CHD5: variants seen among roughly 807,000 people sequenced by gnomAD.
CHD5 encodes ATP-dependent chromatin remodeler CHD5.
A neutral mutation model predicts 230.3 loss-of-function variants in CHD5; 69 were observed. The ratio of observed to expected loss-of-function variants is 0.30; its 90% confidence interval spans 0.25 to 0.37. The LOEUF is 0.37. Ranked by LOEUF, CHD5 falls within the 10% of genes least tolerant of loss-of-function variation. The pLI is 1.00. For synonymous variants in CHD5, 1,064 were observed against 1,065.9 expected (o/e 1.00, Z 0.03); for missense variants, 1,827 against 2,622.8 (o/e 0.70, Z 6.63).
intron 2 of CHD5, among the ~76,000 whole-genome samples, chr1:6,160,997 A>G (rs1667168679): frequency 6.6e-6 from 1 of 152,222 alleles, no homozygotes; most frequent in Admixed American, 6.5e-5. Context: ...TGCCATGCGC[A>G]GGACTGCTGT....
Position 6,146,603 on chromosome 1 carries a change from C to G in CHD5, c.1590+62G>C. 1.9e-6 allele frequency: 3 copies of G among 1,563,582 alleles called. No individual in the cohort carries two copies. The highest frequency in any genetic ancestry group is 2.6e-6 in the Non-Finnish European group (3 of 1,135,454). ...GCGCTTCAGCCCCTTCCCGCCAGCC[C>G]AGGAGGGTCCAGGGCTCACCAGGTC... On this transcript the variant is annotated intron_variant, in intron 10 of 41. Coordinates refer to ENST00000262450, the MANE Select transcript of CHD5 (RefSeq NM_015557.3). This position sits in a 1 kb window ranked among gnomAD's most constrained non-coding sequence, Gnocchi z 5.1.
Position 6,134,112 on chromosome 1 carries a change from G to A in CHD5, c.3144+16C>T. Reference sequence around the variant, plus strand: ...GGGGTGTGGAGCCGGGGCGGGGGTGGGCAGGGGCAGCGCACCTGGGAGAAG... The same window carrying A: ...GGGGTGTGGAGCCGGGGCGGGGGTGAGCAGGGGCAGCGCACCTGGGAGAAG... On this transcript the variant is annotated intron_variant, in intron 20 of 41. Coordinates refer to ENST00000262450, the MANE Select transcript of CHD5 (RefSeq NM_015557.3). The surrounding 1 kb of genome is among the most constrained non-coding windows in gnomAD (Gnocchi z 6.3). 2.5e-6 allele frequency: 4 copies of A among 1,605,648 alleles called. No homozygotes were observed. In the Middle Eastern group the frequency reaches 6.7e-4, roughly 267 times the overall value.
At chr1:6,158,532 G>A (rs549577172) in intron 3 of CHD5, among the ~76,000 whole-genome samples, 2 of 152,324 alleles carry the variant, frequency 1.3e-5, no homozygotes, top group East Asian at 3.9e-4. Flanking sequence ...AAAATTAGCT[G>A]TGCGTGGTGA....
chr1:6,162,300 C>T lies in CHD5; in HGVS notation c.208-2785G>A, dbSNP rs112115612. Among the ~76,000 whole-genome samples the T allele has an allele frequency of 1.5e-3, 223 of 151,942 alleles. 1 individual carries two copies. Among genetic ancestry groups the T allele is most frequent in the Non-Finnish European group, 1.9e-3 (130 of 67,966 alleles). ...ACTCAGGAGGCTGAGGCAGGAGAAT[C>T]GCTTGAACCTGGGAGGCGGAGGTTG... is the stretch of plus-strand genomic sequence containing the variant. On this transcript the variant is annotated intron_variant, in intron 2 of 41. Transcript: ENST00000262450.
Position 6,104,509 on chromosome 1 carries a change from C to T in CHD5, c.*965G>A, listed in dbSNP as rs1666127102. On this transcript the variant is annotated 3_prime_UTR_variant, in exon 42 of 42. Transcript: ENST00000262450. Reference sequence around the variant, plus strand: ...CAGGGCAGGGCCAGGGTCTCCTGGGCCAGCTCAGGGCCCATGACCCTCCTT... The same window carrying T: ...CAGGGCAGGGCCAGGGTCTCCTGGGTCAGCTCAGGGCCCATGACCCTCCTT... 1 of 151,506 alleles carries T rather than the reference C, an allele frequency of 6.6e-6. No homozygotes were observed. Among genetic ancestry groups the T allele is most frequent in the African/African-American group, 2.4e-5 (1 of 41,100 alleles). The allele number at this position is 151,506 out of a possible 1,614,324, so 9.4% of individuals were successfully genotyped here.
intron 3 of CHD5, among the ~76,000 whole-genome samples, chr1:6,158,602 T>C (rs12081993): frequency 0.021 from 3,213 of 152,206 alleles, 124 homozygotes; most frequent in African/African-American, 0.073. Context: ...CACTCCAGCC[T>C]GGACAACAGA....
chr1:6,161,986 G>A (rs1667186274), intron 2 of CHD5, among the ~76,000 whole-genome samples: 2 of 152,200 alleles, frequency 1.3e-5, no homozygotes, highest in South Asian at 4.1e-4. Context: ...TCTGCCCCTT[G>A]CAAGCCTGAG....
intron 9 of CHD5, among the ~76,000 whole-genome samples, chr1:6,148,459 T>C (rs1465524526): frequency 6.6e-6 from 1 of 152,202 alleles, no homozygotes; most frequent in African/African-American, 2.4e-5. Context: ...TCTGCTTCCC[T>C]GAGCATCAGT....
chr1:6,143,793 AC>A, intron 13 of CHD5, 29 bp downstream of exon 13: 1 of 940,728 alleles, frequency 1.1e-6, no homozygotes, highest in South Asian at 1.3e-5. Context: ...TGGCAACCCC[AC>A]CCACTGCTGC....
chr1:6,143,645 T>G (rs1454774833), intron 13 of CHD5, among the ~76,000 whole-genome samples, 178 bp downstream of exon 13: 5 of 152,160 alleles, frequency 3.3e-5, no homozygotes, highest in Admixed American at 2.0e-4. Context: ...GCATGTCAGC[T>G]GCAGTGTTAT....
Position 6,130,354 on chromosome 1 carries a change from G to A in CHD5, c.3263-26C>T, listed in dbSNP as rs371032669. ...CTGAAAAAGAGAGGCCAGCAGATGG[G>A]AGTGTTTGGGGGGGTACACCTTGGG... On this transcript the variant is annotated intron_variant, in intron 21 of 41. Coordinates refer to ENST00000262450, the MANE Select transcript of CHD5 (RefSeq NM_015557.3). The surrounding 1 kb of genome is among the most constrained non-coding windows in gnomAD (Gnocchi z 4.9). 714 of 1,611,352 alleles carry A rather than the reference G, an allele frequency of 4.4e-4. 1 individual carries two copies. Among genetic ancestry groups the A allele is most frequent in the Non-Finnish European group, 5.1e-4 (606 of 1,179,024 alleles).
intron 5 of CHD5, among the ~76,000 whole-genome samples, chr1:6,153,827 T>TCAAAACAAAA (rs111886993): frequency 5.9e-5 from 9 of 151,686 alleles, no homozygotes; most frequent in African/African-American, 2.2e-4. Flanking sequence ...TGAGAGTCTG[T>TCAAAACAAAA]CAAAACAAAA....
Position 6,149,328 on chromosome 1 carries a change from G to C in CHD5, c.1079C>G (p.Thr360Ser). ...QQGGEIILCD[T>S]CPRAYHLVCL... ...TACGAGATGGTAGGCCCTCGGGCAG[G>C]TGTCGCACAGGATGATCTCCCCACC... The change falls in exon 8 of 42, where the codon ACC (threonine) becomes AGC (serine). Residue 360 changes from threonine (T) to serine (S), a missense_variant. Thr to Ser is a moderately conservative substitution (Grantham distance 58). Around this residue, in one of 14 missense-constraint regions of CHD5, gnomAD observed 657 missense variants for 816.4 expected, o/e 0.80. Transcript: ENST00000262450. The C allele has an allele frequency of 6.2e-7, 1 of 1,613,272 alleles. No homozygotes were observed.
intron 36 of CHD5, 47 bp downstream of exon 36, chr1:6,111,728 C>A: frequency 6.7e-7 from 1 of 1,497,838 alleles, no homozygotes; most frequent in Non-Finnish European, 9.3e-7. Flanking sequence ...CCGAGGTCCA[C>A]GGAGGAACGG....
chr1:6,171,725 G>C (rs1281177396), intron 1 of CHD5, among the ~76,000 whole-genome samples: 1 of 152,244 alleles, frequency 6.6e-6, no homozygotes. Flanking sequence ...TGGGGACAGA[G>C]CAGAGGCCCA....
Position 6,142,349 on chromosome 1 carries a change from C to T in CHD5, c.2236-21G>A, listed in dbSNP as rs780320752. 9.4e-6 allele frequency: 15 copies of T among 1,596,766 alleles called. No individual in the cohort carries two copies. The highest frequency in any genetic ancestry group is 2.3e-5 in the East Asian group (1 of 44,442). On this transcript the variant is annotated intron_variant, in intron 14 of 41. Coordinates refer to ENST00000262450, the MANE Select transcript of CHD5 (RefSeq NM_015557.3). This position sits in a 1 kb window ranked among gnomAD's most constrained non-coding sequence, Gnocchi z 5.2. Reference sequence around the variant, plus strand: ...TGGCCCTGGAGAGAGAGGCCGATGCCGTGAGACCACCTGCCCTTGGCCAGG... The same window carrying T: ...TGGCCCTGGAGAGAGAGGCCGATGCTGTGAGACCACCTGCCCTTGGCCAGG...
chr1:6,165,417 G>A (rs971112798), intron 2 of CHD5, among the ~76,000 whole-genome samples: 2 of 152,164 alleles, frequency 1.3e-5, no homozygotes, highest in Non-Finnish European at 2.9e-5. Context: ...CTGAGACCCA[G>A]GCCCAGGTGA....
rs1666175322 is a variant in CHD5 at position 6,106,712 on chromosome 1, C to G, written c.5646G>C (p.Leu1882=). Residue 1882 remains leucine, a synonymous_variant, in exon 39 of 42, where the codon CTG becomes CTC. Coordinates refer to ENST00000262450, the MANE Select transcript of CHD5 (RefSeq NM_015557.3). ...KADVTRLPSM[L]SRIPPVAARL... Reference sequence around the variant, plus strand: ...GGGCGGCCACCGGGGGGATGCGGGACAGCATGGATGGCAGCCGGGTCACGT... The same window carrying G: ...GGGCGGCCACCGGGGGGATGCGGGAGAGCATGGATGGCAGCCGGGTCACGT... 2 of 1,611,904 alleles carry G rather than the reference C, an allele frequency of 1.2e-6. No individual in the cohort carries two copies. Among genetic ancestry groups the G allele is most frequent in the Admixed American group, 1.7e-5 (1 of 59,938 alleles).
rs931211691 is a variant in CHD5, at chr1:6,121,847, G to A, written c.4700-274C>T. ...CGCACACAGCCGTGGCTGCTCATCT[G>A]GAGGCAGGGAAGTGAGGCAGATGGA... On this transcript the variant is annotated intron_variant, in intron 31 of 41. Transcript: ENST00000262450. This position sits in a 1 kb window ranked among gnomAD's most constrained non-coding sequence, Gnocchi z 4.5. Among the ~76,000 whole-genome samples the A allele has an allele frequency of 3.3e-5, 5 of 152,322 alleles. No homozygotes were observed. Among genetic ancestry groups the A allele is most frequent in the African/African-American group, 9.6e-5 (4 of 41,586 alleles).
Sources: allele counts gnomAD v4.1 joint callset (sites outside exome capture counted in the v4.1 genomes callset), GRCh38; gene constraint gnomAD v4.1.1; regional missense constraint gnomAD v4.1.1; non-coding constraint Gnocchi (gnomAD v3.1); transcripts MANE v1.5; gene names NCBI Gene and HGNC (gene_info 2026-07-23, HGNC 2026-07-21).